ZNF25: variants seen among roughly 807,000 people sequenced by gnomAD.
ZNF25 encodes the protein zinc finger protein 25 (KOX 19).
Under a neutral mutation model 30.9 loss-of-function variants are expected in ZNF25, and 21 were observed. That is an observed-to-expected ratio of 0.68 (90% CI 0.48 to 0.98). ZNF25 has a LOEUF of 0.98. Ranked by LOEUF, ZNF25 falls within the 50% of genes least tolerant of loss-of-function variation. The probability of loss-of-function intolerance (pLI) is 0.00; values close to 1 mark genes in which losing one functional copy is unlikely to be tolerated. For synonymous variants in ZNF25, 169 were observed against 181.3 expected (o/e 0.93, Z 0.55); for missense variants, 501 against 529.9 (o/e 0.95, Z 0.54).
intron 2 of ZNF25, among the ~76,000 whole-genome samples, chr10:37,960,541 G>A (rs1185364404): frequency 3.5e-5 from 5 of 144,632 alleles, no homozygotes; most frequent in Admixed American, 7.3e-5. Context: ...GGAGAATGAC[G>A]TGAACCCAGG....
At chr10:37,973,097 G>A (rs1313291087) in intron 1 of ZNF25, among the ~76,000 whole-genome samples, 1 of 151,808 alleles carries the variant, frequency 6.6e-6, no homozygotes, top group Non-Finnish European at 1.5e-5. Context: ...GAATCCAGGA[G>A]GCGGAGGTTG....
chr10:37,963,358 G>A (rs1037207896), intron 2 of ZNF25, among the ~76,000 whole-genome samples: 2 of 152,106 alleles, frequency 1.3e-5, no homozygotes, highest in Non-Finnish European at 2.9e-5. Flanking sequence ...CTGACCTTAG[G>A]AGATCCACTT....
chr10:37,953,258 T>G, intron 5 of ZNF25, 63 bp from the exon 6 acceptor site: 2 of 1,456,512 alleles, frequency 1.4e-6, no homozygotes, highest in South Asian at 2.8e-5. Context: ...TTCCCCCTGC[T>G]CCACTGGGCG....
intron 2 of ZNF25, among the ~76,000 whole-genome samples, chr10:37,962,278 A>G (rs959602588): frequency 1.3e-5 from 2 of 152,178 alleles, no homozygotes; most frequent in African/African-American, 4.8e-5. Flanking sequence ...TATAAGAATA[A>G]GAACTTAATT....
At chr10:37,962,353 G>C (rs2062935413) in intron 2 of ZNF25, among the ~76,000 whole-genome samples, 1 of 152,058 alleles carries the variant, frequency 6.6e-6, no homozygotes, top group Non-Finnish European at 1.5e-5. Context: ...AAGTGAGAAG[G>C]AAAAGACTAT....
chr10:37,962,312 T>A (rs978169678), intron 2 of ZNF25, among the ~76,000 whole-genome samples: 2 of 151,216 alleles, frequency 1.3e-5, no homozygotes, highest in Non-Finnish European at 2.9e-5. Context: ...AACAGGAAAC[T>A]AGAAAATTTA....
chr10:37,976,232 C>T (rs972741178), intron 1 of ZNF25, among the ~76,000 whole-genome samples: 11 of 152,238 alleles, frequency 7.2e-5, no homozygotes, highest in African/African-American at 2.7e-4. Flanking sequence ...TCTGCAGCGG[C>T]CAGCGCGCCT....
intron 1 of ZNF25, among the ~76,000 whole-genome samples, chr10:37,972,023 T>C (rs1002026205): frequency 6.6e-6 from 1 of 152,216 alleles, no homozygotes; most frequent in Non-Finnish European, 1.5e-5. Flanking sequence ...TTCTGTTTTC[T>C]GAATAACACA....
Position 37,952,693 on chromosome 10 carries a change from G to T in ZNF25, c.805C>A (p.Gln269Lys), listed in dbSNP as rs147098576. The change falls in exon 6 of 6, where the codon CAG becomes AAG. Residue 269 changes from glutamine (Q) to lysine (K), a missense_variant. By Grantham distance (53) the Gln-to-Lys change is moderately conservative (BLOSUM62 1). Coordinates refer to ENST00000302609, the MANE Select transcript of ZNF25 (RefSeq NM_145011.4). ...ECKECGKAFS[Q>K]KSHLTVHQRM... ...TGATGTACTGTGAGGTGTGACTTCT[G>T]GGAAAAGGCTTTCCCACACTCCTTA... The T allele has an allele frequency of 6.2e-7, 1 of 1,610,518 alleles. No individual in the cohort carries two copies. The highest frequency in any genetic ancestry group is 8.5e-7 in the Non-Finnish European group (1 of 1,178,970).
rs769413712 is a variant in ZNF25 at position 37,953,767 on chromosome 10, G to A, written c.239-9C>T. 1.6e-5 allele frequency: 25 copies of A among 1,611,296 alleles called. No homozygotes were observed. The highest frequency in any genetic ancestry group is 2.0e-5 in the Non-Finnish European group (23 of 1,178,010). Reference sequence around the variant, plus strand: ...AATGCTCCATAGGTCTTCTACAAGGGAACCAAAAATGTAATACTTTATAAA... The same window carrying A: ...AATGCTCCATAGGTCTTCTACAAGGAAACCAAAAATGTAATACTTTATAAA... On this transcript the variant is annotated splice_polypyrimidine_tract_variant and intron_variant, in intron 4 of 5. Coordinates refer to ENST00000302609, the MANE Select transcript of ZNF25 (RefSeq NM_145011.4).
At chr10:37,964,163 G>A (rs922594402) in intron 2 of ZNF25, among the ~76,000 whole-genome samples, 3 of 152,100 alleles carry the variant, frequency 2.0e-5, no homozygotes, top group Admixed American at 1.3e-4. Flanking sequence ...GCATAACCAT[G>A]AGCCAATTAA....
In ZNF25 at chr10:37,976,190, A is replaced by C. The variant is rs370496021; in HGVS notation, c.-86+316T>G. 8.9e-4 allele frequency among the ~76,000 whole-genome samples: 135 copies of C among 152,344 alleles called. 4 individuals are homozygous for C. The East Asian group carries it at 0.02, about 23-fold the overall frequency. On this transcript the variant is annotated intron_variant, in intron 1 of 5. Transcript: ENST00000302609. The stretch of plus-strand genomic sequence containing the variant: ...GGACCACCTACAGACGCTGGACCAG[A>C]GCCCACGTCCCTGCGGCTTTGGAGC...
At chr10:37,957,391 G>C (rs370548659) in intron 3 of ZNF25, 29 bp downstream of exon 3, 2 of 1,603,564 alleles carry the variant, frequency 1.2e-6, no homozygotes, top group African/African-American at 2.7e-5. Flanking sequence ...CAAACTACTG[G>C]GATTTACACC....
chr10:37,966,790 A>G (rs1307858838), intron 2 of ZNF25, among the ~76,000 whole-genome samples: 1 of 152,222 alleles, frequency 6.6e-6, no homozygotes, highest in African/African-American at 2.4e-5. Flanking sequence ...CGGAGGAATT[A>G]AAGGAAAATA....
At position 37,952,236 on chromosome 10, in the gene ZNF25, G is replaced by C. The variant is rs2062184717; in HGVS notation, c.1262C>G (p.Thr421Arg). Residue 421 changes from threonine to arginine, a missense_variant, in exon 6 of 6, where the codon ACA (threonine) becomes AGA (arginine). Thr to Arg is a moderately conservative substitution (Grantham distance 71, BLOSUM62 -1). Transcript: ENST00000302609. Reference sequence around the variant, plus strand: ...CTGACACTCATAGGGCTTCTCCCCTGTGTGTTTTCTCTGATGTATAATAAA... The same window carrying C: ...CTGACACTCATAGGGCTTCTCCCCTCTGTGTTTTCTCTGATGTATAATAAA... ...SHFIIHQRKH[T>R]GEKPYECQEC... 1.2e-6 allele frequency: 2 copies of C among 1,614,112 alleles called. No homozygotes were observed. The highest frequency in any genetic ancestry group is 1.3e-5 in the African/African-American group (1 of 75,048).
chr10:37,973,134 C>T (rs905629963), intron 1 of ZNF25, among the ~76,000 whole-genome samples: 1 of 149,766 alleles, frequency 6.7e-6, no homozygotes, highest in Non-Finnish European at 1.5e-5. Flanking sequence ...TGCCACTGCA[C>T]TCCAGCCTAG....
intron 2 of ZNF25, among the ~76,000 whole-genome samples, chr10:37,967,506 G>C (rs2135415169): frequency 6.6e-6 from 1 of 151,908 alleles, no homozygotes; most frequent in Admixed American, 6.6e-5. Flanking sequence ...ACCTCCCCAG[G>C]CTCAGGTGAT....
intron 2 of ZNF25, among the ~76,000 whole-genome samples, chr10:37,964,351 G>A (rs777616376): frequency 6.6e-6 from 1 of 152,212 alleles, no homozygotes; most frequent in African/African-American, 2.4e-5. Flanking sequence ...GGGCTCAGAA[G>A]AAGACACTAA....
intron 4 of ZNF25, among the ~76,000 whole-genome samples, chr10:37,955,521 A>T (rs2135307403): frequency 6.6e-6 from 1 of 152,322 alleles, no homozygotes; most frequent in East Asian, 1.9e-4. Context: ...ATGGGATCAG[A>T]ATATAAATAG....
Sources: gnomAD v4.1 joint callset for allele counts (sites outside exome capture counted in the v4.1 genomes callset) on GRCh38, gnomAD v4.1.1 for gene constraint, MANE v1.5 for transcripts, NCBI Gene and HGNC (gene_info 2026-07-23, HGNC 2026-07-21) for gene names.